ABCB9: variants seen among roughly 807,000 people sequenced by gnomAD.
ABCB9 encodes ATP binding cassette subfamily B member 9.
ABCB9 carries 36 observed loss-of-function variants against 62.0 expected under a neutral mutation model. The observed-to-expected ratio is 0.58, with a 90% confidence interval of 0.45 to 0.77. ABCB9 has a LOEUF of 0.77. Among genes scored for constraint, ABCB9 ranks in the 30% least tolerant of loss-of-function variants. The pLI, the probability that ABCB9 is intolerant of heterozygous loss-of-function variation, is 0.00. For missense variants in ABCB9, 943 were observed against 1,054.7 expected (o/e 0.89, Z 1.47); for synonymous variants, 435 against 461.4 (o/e 0.94, Z 0.73).
intron 1 of ABCB9, among the ~76,000 whole-genome samples, chr12:122,963,078 G>A (rs1413855858): frequency 6.6e-6 from 1 of 152,192 alleles, no homozygotes; most frequent in Non-Finnish European, 1.5e-5. Context: ...ATGGGCAACA[G>A]CTTGAGCTCA....
Position 122,930,066 on chromosome 12 carries a change from C to G in ABCB9, c.2146G>C (p.Gly716Arg), listed in dbSNP as rs1352376100. 4 of 1,566,952 alleles carry G rather than the reference C, an allele frequency of 2.6e-6. No homozygotes were observed. The highest frequency in any genetic ancestry group is 3.5e-6 in the Non-Finnish European group (4 of 1,156,246). The change falls in exon 12 of 12, where the codon GGC becomes CGC. Residue 716 changes from glycine to arginine, a missense_variant. Transcript: ENST00000280560. This position sits in a 1 kb window ranked among gnomAD's most constrained non-coding sequence, Gnocchi z 4.9. ...TGGGTGCCCTGCTGCACTACGCGGC[C>G]CTTGTCCAGCACCACAATGAGGTGC... Reference protein sequence around the residue: ...HAHLIVVLDKGRVVQQGTHQQ... With the variant: ...HAHLIVVLDKRRVVQQGTHQQ...
intron 11 of ABCB9, among the ~76,000 whole-genome samples, chr12:122,921,597 T>C (rs1380442636): frequency 6.6e-6 from 1 of 152,072 alleles, no homozygotes; most frequent in African/African-American, 2.4e-5. Context: ...GCCAACATGA[T>C]GAAACTCCAT....
intron 10 of ABCB9, among the ~76,000 whole-genome samples, chr12:122,933,704 G>A (rs915756608): frequency 1.3e-5 from 2 of 151,648 alleles, no homozygotes; most frequent in Non-Finnish European, 2.9e-5. Context: ...AGTTCATATC[G>A]AGGTAATTTT....
chr12:122,935,195 C>A, intron 10 of ABCB9, 77 bp downstream of exon 10: 1 of 1,436,412 alleles, frequency 7.0e-7, no homozygotes, highest in Admixed American at 2.7e-5. Context: ...TGGCAGGGGG[C>A]AGTGCTTAAC....
At chr12:122,943,563 C>T (rs892560484) in intron 7 of ABCB9, among the ~76,000 whole-genome samples, 1 of 152,168 alleles carries the variant, frequency 6.6e-6, no homozygotes, top group African/African-American at 2.4e-5. Flanking sequence ...GCTGTTAAGA[C>T]CATTTTCTGA....
intron 2 of ABCB9, chr12:122,950,925 G>T (rs920177644): frequency 1.1e-5 from 2 of 176,730 alleles, no homozygotes; most frequent in Non-Finnish European, 2.4e-5. Flanking sequence ...GCTCACTGCA[G>T]CATCAAACTC....
At chr12:122,950,070 G>A in intron 3 of ABCB9, 152 bp from the exon 4 acceptor site, 2 of 1,080,000 alleles carry the variant, frequency 1.9e-6, no homozygotes, top group South Asian at 1.4e-5. Context: ...ATTCCCAGTG[G>A]GAGCCCCCCT....
In ABCB9 at chr12:122,950,479, C is replaced by G. The variant is rs140451259; in HGVS notation, c.688G>C (p.Val230Leu). 3.7e-6 allele frequency: 6 copies of G among 1,612,630 alleles called. No homozygotes were observed. The South Asian group carries it at 6.6e-5, about 18-fold the overall frequency. Residue 230 changes from valine (V) to leucine (L), a missense_variant, in exon 3 of 12, where the codon GTC becomes CTC. Physicochemically the swap from Val to Leu is conservative, Grantham distance 32 (BLOSUM62 1). Coordinates refer to ENST00000280560, the MANE Select transcript of ABCB9 (RefSeq NM_019625.4). ...KSMDQFSTAV[V>L]IVCLLAIGSS... Reference sequence around the variant, plus strand: ...CCAATGGCCAGCAGGCACACGATGACGACAGCCGTGCTGAACTGATCCATG... The same window carrying G: ...CCAATGGCCAGCAGGCACACGATGAGGACAGCCGTGCTGAACTGATCCATG...
intron 1 of ABCB9, among the ~76,000 whole-genome samples, chr12:122,973,605 A>AAAAAC (rs2037320526): frequency 3.5e-5 from 5 of 142,894 alleles, no homozygotes; most frequent in Non-Finnish European, 6.1e-5. Flanking sequence ...AAAAAAAAAA[A>AAAAAC]AAAACAAAAA....
chr12:122,950,431 G>A lies in ABCB9; in HGVS notation c.716+20C>T, dbSNP rs758410005. The A allele has an allele frequency of 7.5e-6, 12 of 1,599,116 alleles. No homozygotes were observed. The highest frequency in any genetic ancestry group is 4.0e-5 in the African/African-American group (3 of 74,802). On this transcript the variant is annotated intron_variant, in intron 3 of 11. Coordinates refer to ENST00000280560, the MANE Select transcript of ABCB9 (RefSeq NM_019625.4). ...CAGGTCGGGGTGTGCGGGGCAGGGCGTGGGGGTTGAGCCAGCTACCTGCCA... is the reference window on the plus strand; with the variant it reads ...CAGGTCGGGGTGTGCGGGGCAGGGCATGGGGGTTGAGCCAGCTACCTGCCA...
intron 1 of ABCB9, among the ~76,000 whole-genome samples, chr12:122,971,664 C>T (rs1289610497): frequency 6.6e-6 from 1 of 152,052 alleles, no homozygotes; most frequent in East Asian, 1.9e-4. Flanking sequence ...GTTGACCAGG[C>T]TGGTCTCGAA....
intron 7 of ABCB9, among the ~76,000 whole-genome samples, chr12:122,943,780 C>T (rs1258514684): frequency 6.6e-6 from 1 of 150,666 alleles, no homozygotes; most frequent in Admixed American, 6.6e-5. Context: ...GCACCTGGCC[C>T]TTTCTTTCTT....
intron 2 of ABCB9, among the ~76,000 whole-genome samples, chr12:122,955,071 A>C (rs1158205913): frequency 6.6e-6 from 1 of 152,154 alleles, no homozygotes; most frequent in Non-Finnish European, 1.5e-5. Context: ...AGCTGCGGTC[A>C]CAGGTACATG....
chr12:122,928,878 G>A (rs965203470), downstream of ABCB9: 3 of 453,646 alleles, frequency 6.6e-6, no homozygotes, highest in Admixed American at 6.4e-5. Context: ...GGGAGGCCCT[G>A]GACCACCCAA....
At chr12:122,950,946 G>A (rs2036333856) in intron 2 of ABCB9, 1 of 164,378 alleles carries the variant, frequency 6.1e-6, no homozygotes, top group Non-Finnish European at 1.3e-5. Flanking sequence ...CTGGGCTCAG[G>A]TGATCCTCCT....
Position 122,930,290 on chromosome 12 carries a change from G to A in ABCB9, c.2041-119C>T. On this transcript the variant is annotated intron_variant, in intron 11 of 11. Transcript: ENST00000280560. This position sits in a 1 kb window ranked among gnomAD's most constrained non-coding sequence, Gnocchi z 4.9. ...TCTGAGGCTCAGTTCACAAACGATGGCCAGCTTCCTGGGTTTTTCTTAAAG... is the reference window on the plus strand; with the variant it reads ...TCTGAGGCTCAGTTCACAAACGATGACCAGCTTCCTGGGTTTTTCTTAAAG... 1 of 1,051,104 alleles carries A rather than the reference G, an allele frequency of 9.5e-7. No homozygotes were observed. The highest frequency in any genetic ancestry group is 1.7e-5 in the South Asian group (1 of 58,776). The allele number at this position is 1,051,104 out of a possible 1,614,324, so 65.1% of individuals were successfully genotyped here. A position where few individuals can be genotyped will look rare whatever the true frequency, so the allele number is the denominator to read the frequency against.
chr12:122,954,612 C>T (rs2036536014), intron 2 of ABCB9, among the ~76,000 whole-genome samples: 1 of 152,196 alleles, frequency 6.6e-6, no homozygotes. Context: ...CCTGCCTCAG[C>T]CTTCTGAGCA....
chr12:122,932,409 C>A lies in ABCB9; in HGVS notation c.1904-81G>T, dbSNP rs773237577. On this transcript the variant is annotated intron_variant, in intron 10 of 11. Coordinates refer to ENST00000280560, the MANE Select transcript of ABCB9 (RefSeq NM_019625.4). This position sits in a 1 kb window ranked among gnomAD's most constrained non-coding sequence, Gnocchi z 4.7. ...GGGAAGAGTGAGAGGCCCTGCCCTG[C>A]AGCTGTGGAAAGGGCGGGCTGGAAC... The A allele has an allele frequency of 1.4e-6, 2 of 1,475,372 alleles. No individual in the cohort carries two copies. Among genetic ancestry groups the A allele is most frequent in the East Asian group, 2.5e-5 (1 of 40,148 alleles). The allele number at this position is 1,475,372 out of a possible 1,614,324, so 91.4% of individuals were successfully genotyped here. A position where few individuals can be genotyped will look rare whatever the true frequency, so the allele number is the denominator to read the frequency against.
chr12:122,927,604 A>C (rs1325093360), downstream of ABCB9, among the ~76,000 whole-genome samples: 1 of 152,210 alleles, frequency 6.6e-6, no homozygotes, highest in East Asian at 1.9e-4. Flanking sequence ...CTAACTCCAT[A>C]GGAGAGGGAG....
Sources: allele counts gnomAD v4.1 joint callset (sites outside exome capture counted in the v4.1 genomes callset), GRCh38; gene constraint gnomAD v4.1.1; non-coding constraint Gnocchi (gnomAD v3.1); transcripts MANE v1.5; gene names NCBI Gene and HGNC (gene_info 2026-07-23, HGNC 2026-07-21).